DGKB: variants seen among roughly 807,000 people sequenced by gnomAD.
DGKB encodes diacylglycerol kinase beta.
DGKB carries 67 observed loss-of-function variants against 114.3 expected under a neutral mutation model. That is an observed-to-expected ratio of 0.59 (90% CI 0.48 to 0.72). The LOEUF (loss-of-function observed/expected upper bound fraction) is 0.72, where lower values mean the gene tolerates loss of function less well. DGKB is among the 30% of genes least tolerant of loss of function. The pLI is 0.00. For synonymous variants in DGKB, 398 were observed against 323.1 expected (o/e 1.23, Z -2.49); for missense variants, 907 against 975.2 (o/e 0.93, Z 0.93).
At chr7:14,556,784 A>C (rs1489309691) in intron 20 of DGKB, among the ~76,000 whole-genome samples, 1 of 152,092 alleles carries the variant, frequency 6.6e-6, no homozygotes, top group Non-Finnish European at 1.5e-5. Flanking sequence ...TTCACATGTA[A>C]ATTTTATTTT....
Position 14,919,060 on chromosome 7 carries a change from A to ACGCG in DGKB, c.-188+55635_-188+55636insCGCG, listed in dbSNP as rs199806833. 7.4e-3 allele frequency among the ~76,000 whole-genome samples: 924 copies of ACGCG among 124,882 alleles called. 8 individuals carry two copies. The highest frequency in any genetic ancestry group is 0.027 in the African/African-American group (873 of 32,306). 81.9% of individuals were successfully genotyped at this position (124,882 alleles called of 152,430 possible). On this transcript the variant is annotated intron_variant, in intron 1 of 4. Coordinates refer to the DGKB transcript ENST00000437998. ...GGGTGACAGAGTGAGACTCCACCAC[A>ACGCG]CGCACACACACACACACACACACAC...
At chr7:14,280,147 A>G (rs1465444476) in intron 23 of DGKB, among the ~76,000 whole-genome samples, 1 of 151,876 alleles carries the variant, frequency 6.6e-6, no homozygotes, top group East Asian at 2.0e-4. Context: ...AGAATAACCA[A>G]TACAGAGAAG....
At chr7:14,322,063 G>C (rs954789402) in intron 23 of DGKB, among the ~76,000 whole-genome samples, 3 of 152,292 alleles carry the variant, frequency 2.0e-5, no homozygotes, top group Admixed American at 6.5e-5. Flanking sequence ...GGAAACTGTA[G>C]TACTGGCGTA....
intron 9 of DGKB, among the ~76,000 whole-genome samples, chr7:14,685,829 G>A (rs924641137): frequency 1.3e-5 from 2 of 152,162 alleles, no homozygotes; most frequent in African/African-American, 4.8e-5. Flanking sequence ...TGGTGATCAG[G>A]TCATGTAAGG....
At chr7:14,683,553 C>A (rs1246043228) in intron 10 of DGKB, among the ~76,000 whole-genome samples, 1 of 152,050 alleles carries the variant, frequency 6.6e-6, no homozygotes, top group Non-Finnish European at 1.5e-5. Flanking sequence ...TCTTCAAATT[C>A]TTTATGGTTT....
chr7:14,546,023 G>C (rs966902552), intron 20 of DGKB, among the ~76,000 whole-genome samples: 4 of 152,156 alleles, frequency 2.6e-5, no homozygotes, highest in Non-Finnish European at 5.9e-5. Context: ...AAGCAAAGGA[G>C]CTGACTGATA....
chr7:14,796,663 T>G (rs1246444570), intron 2 of DGKB, among the ~76,000 whole-genome samples: 2 of 150,736 alleles, frequency 1.3e-5, no homozygotes, highest in Non-Finnish European at 2.9e-5. Context: ...CTGAAGATAT[T>G]TTACTTGTAA....
At chr7:14,283,318 A>C (rs1286913421) in intron 23 of DGKB, among the ~76,000 whole-genome samples, 1 of 151,376 alleles carries the variant, frequency 6.6e-6, no homozygotes, top group Non-Finnish European at 1.5e-5. Context: ...GATGTGAAGG[A>C]CCTCTTCAAG....
rs544022085 is a variant in DGKB at position 14,794,957 on chromosome 7, C to T, written c.71-37226G>A. 3.3e-5 allele frequency among the ~76,000 whole-genome samples: 5 copies of T among 152,240 alleles called. No individual in the cohort carries two copies. The East Asian group carries it at 7.7e-4, about 24-fold the overall frequency. Reference sequence around the variant, plus strand: ...CTATAGTTATAAAAGATTGGCCTTACATTGCCTAAGGAAACTGTAATGACC... The same window carrying T: ...CTATAGTTATAAAAGATTGGCCTTATATTGCCTAAGGAAACTGTAATGACC... On this transcript the variant is annotated intron_variant, in intron 2 of 25. Transcript: ENST00000402815.
At chr7:14,310,211 A>G (rs1001048522) in intron 23 of DGKB, among the ~76,000 whole-genome samples, 1 of 152,210 alleles carries the variant, frequency 6.6e-6, no homozygotes, top group Non-Finnish European at 1.5e-5. Context: ...ACCAAAATAT[A>G]AAGAGTGTGT....
chr7:14,882,823 C>CT (rs1726454374), intron 1 of DGKB, among the ~76,000 whole-genome samples: 3 of 151,852 alleles, frequency 2.0e-5, no homozygotes, highest in Non-Finnish European at 1.5e-5. Flanking sequence ...GCCACATTTT[C>CT]TTTATCTTAT....
intron 23 of DGKB, among the ~76,000 whole-genome samples, chr7:14,259,974 T>C (rs1584782297): frequency 1.3e-5 from 2 of 152,222 alleles, no homozygotes; most frequent in African/African-American, 4.8e-5. Context: ...TAAATACATT[T>C]CAAATTGTTG....
intron 15 of DGKB, among the ~76,000 whole-genome samples, chr7:14,615,045 T>A (rs1378249310): frequency 6.6e-6 from 1 of 152,080 alleles, no homozygotes; most frequent in African/African-American, 2.4e-5. Flanking sequence ...AAAACCTGTG[T>A]TCGATTTTCT....
intron 17 of DGKB, among the ~76,000 whole-genome samples, chr7:14,593,364 G>A (rs980936556): frequency 1.3e-5 from 2 of 151,888 alleles, no homozygotes; most frequent in Non-Finnish European, 2.9e-5. Flanking sequence ...AGTTAGAAAT[G>A]AAAGGTCAGT....
intron 2 of DGKB, among the ~76,000 whole-genome samples, chr7:14,812,660 T>G (rs1843597404): frequency 6.6e-6 from 1 of 152,182 alleles, no homozygotes; most frequent in South Asian, 2.1e-4. Flanking sequence ...CAGTGTCACA[T>G]TTTCTGTCAG....
intron 1 of DGKB, among the ~76,000 whole-genome samples, chr7:14,962,636 T>TTGTGTGTGTGTGTG (rs71004348): frequency 2.5e-4 from 35 of 142,030 alleles, no homozygotes; most frequent in African/African-American, 8.6e-4. Flanking sequence ...GTGTGTGTGT[T>TTGTGTGTGTGTGTG]TGTGTGTGTG....
chr7:14,638,496 A>C (rs1295526251), intron 13 of DGKB, among the ~76,000 whole-genome samples: 1 of 152,188 alleles, frequency 6.6e-6, no homozygotes, highest in Non-Finnish European at 1.5e-5. Context: ...AGAGTGATAA[A>C]TGATGGGAAT....
At chr7:14,733,940 A>T (rs1236240187) in intron 5 of DGKB, among the ~76,000 whole-genome samples, 3 of 152,042 alleles carry the variant, frequency 2.0e-5, no homozygotes, top group African/African-American at 7.2e-5. Flanking sequence ...TTTATGGCTC[A>T]ACCATCTATT....
At chr7:14,614,363 A>T (rs1431607816) in intron 15 of DGKB, among the ~76,000 whole-genome samples, 1 of 152,132 alleles carries the variant, frequency 6.6e-6, no homozygotes, top group Non-Finnish European at 1.5e-5. Context: ...ATGTAACCCT[A>T]TGTAACTCCC....
Sources: gnomAD v4.1 joint callset for allele counts (sites outside exome capture counted in the v4.1 genomes callset) on GRCh38, gnomAD v4.1.1 for gene constraint, MANE v1.5 for transcripts, NCBI Gene and HGNC (gene_info 2026-07-23, HGNC 2026-07-21) for gene names.